Variants in ATP2A2 observed in about 807,000 individuals in gnomAD.
The protein encoded by ATP2A2 is sarcoplasmic/endoplasmic reticulum calcium ATPase 2.
ATP2A2 carries 14 observed loss-of-function variants against 109.3 expected under a neutral mutation model. The ratio of observed to expected loss-of-function variants is 0.13; its 90% CI spans 0.08 to 0.20. ATP2A2 has a LOEUF of 0.20. ATP2A2 is among the 10% of genes least tolerant of loss of function. The pLI, the probability that ATP2A2 is intolerant of heterozygous loss-of-function variation, is 1.00. For synonymous variants in ATP2A2, 506 were observed against 490.9 expected (o/e 1.03, Z -0.41); for missense variants, 657 against 1,321.6 (o/e 0.50, Z 7.80).
intron 3 of ATP2A2, among the ~76,000 whole-genome samples, chr12:110,286,702 A>T (rs1872698862): frequency 6.8e-6 from 1 of 146,042 alleles, no homozygotes; most frequent in Non-Finnish European, 1.5e-5. Context: ...TCTTTATTTA[A>T]AAAAAAAAAA....
At chr12:110,331,375 C>G (rs1878321803) in intron 8 of ATP2A2, 1 of 152,184 alleles carries the variant, frequency 6.6e-6, no homozygotes, top group South Asian at 2.1e-4. Context: ...GAGTTTTGCT[C>G]TGTCGCCCAG....
Position 110,348,730 on chromosome 12 carries a change from T to C in ATP2A2, c.*2260T>C. On this transcript the variant is annotated 3_prime_UTR_variant, in exon 20 of 20. Transcript: ENST00000539276. ...AAAAAATCAGCCTTACTGTGAAGCCTCCAAGGCTGCTCGCAGGCAGCTGTG... is the reference window on the plus strand; with the variant it reads ...AAAAAATCAGCCTTACTGTGAAGCCCCCAAGGCTGCTCGCAGGCAGCTGTG... 1 of 985,250 alleles carries C rather than the reference T, an allele frequency of 1.0e-6. No homozygotes were observed. The allele number at this position is 985,250 out of a possible 1,614,324, so 61.0% of individuals were successfully genotyped here.
At chr12:110,288,461 A>G (rs946741154) in intron 3 of ATP2A2, among the ~76,000 whole-genome samples, 1 of 151,182 alleles carries the variant, frequency 6.6e-6, no homozygotes, top group Admixed American at 6.6e-5. Context: ...CTGGAGTGCA[A>G]TGGCGCGATC....
intron 5 of ATP2A2, among the ~76,000 whole-genome samples, chr12:110,309,411 G>A (rs1875758754): frequency 1.3e-5 from 2 of 151,736 alleles, no homozygotes; most frequent in Non-Finnish European, 2.9e-5. Context: ...GCCCGCCTCA[G>A]CCTCCCAAAG....
intron 3 of ATP2A2, among the ~76,000 whole-genome samples, chr12:110,287,261 A>AT (rs1219737525): frequency 1.3e-4 from 19 of 150,450 alleles, no homozygotes; most frequent in African/African-American, 3.4e-4. Context: ...TCAAAAAAAA[A>AT]TTTTTTTTTT....
intron 5 of ATP2A2, among the ~76,000 whole-genome samples, chr12:110,308,521 A>G (rs1388274283): frequency 6.6e-6 from 1 of 152,228 alleles, no homozygotes; most frequent in Non-Finnish European, 1.5e-5. Context: ...GGTAAGATAT[A>G]ATTCTAAGGC....
Position 110,342,236 on chromosome 12 carries a change from T to C in ATP2A2, c.2106T>C (p.Asp702=), listed in dbSNP as rs373988845. 5.8e-5 allele frequency: 94 copies of C among 1,614,238 alleles called. No individual in the cohort carries two copies. In the African/African-American group the frequency reaches 1.1e-3, roughly 19 times the overall value. Residue 702 remains aspartate (D), a synonymous_variant, in exon 15 of 20, where the codon GAT becomes GAC. Transcript: ENST00000539276. This position sits in a 1 kb window ranked among gnomAD's most constrained non-coding sequence, Gnocchi z 4.6. ...ATTGCTTTCCCTTTCAGACTGGCGA[T>C]GGCGTGAACGATGCTCCTGCTCTGA... ...SFDEITAMTG[D]GVNDAPALKK...
chr12:110,347,500 T>C lies in ATP2A2; in HGVS notation c.*1030T>C, dbSNP rs1402519097. 7.8e-7 allele frequency: 1 copy of C among 1,288,976 alleles called. No individual in the cohort carries two copies. The highest frequency in any genetic ancestry group is 1.5e-5 in the African/African-American group (1 of 65,842). The allele number at this position is 1,288,976 out of a possible 1,614,324, so 79.8% of individuals were successfully genotyped here. ...ATTCTTAATGTACAGGCACTAATTG[T>C]CATCTGTGATGTACATTTTATGCAA... On this transcript the variant is annotated 3_prime_UTR_variant, in exon 20 of 20. Coordinates refer to ENST00000539276, the MANE Select transcript of ATP2A2 (RefSeq NM_170665.4).
At chr12:110,308,595 T>A (rs1875639531) in intron 5 of ATP2A2, among the ~76,000 whole-genome samples, 1 of 152,232 alleles carries the variant, frequency 6.6e-6, no homozygotes, top group South Asian at 2.1e-4. Context: ...CTGGGCCAGA[T>A]AAATAGGTAT....
At chr12:110,345,569 AGCC>A (rs1879769104) in intron 18 of ATP2A2, 187 bp downstream of exon 18, 3 of 921,350 alleles carry the variant, frequency 3.3e-6, no homozygotes, top group African/African-American at 3.3e-5. Flanking sequence ...GGGAGTGCTT[AGCC>A]CTGTGTTTCT....
At chr12:110,288,952 C>T (rs1361450906) in intron 3 of ATP2A2, among the ~76,000 whole-genome samples, 1 of 152,154 alleles carries the variant, frequency 6.6e-6, no homozygotes, top group African/African-American at 2.4e-5. Context: ...TCCTCTTTCT[C>T]CTTACACAAG....
At chr12:110,343,873 C>T (rs1200424970) in intron 16 of ATP2A2, among the ~76,000 whole-genome samples, 2 of 152,186 alleles carry the variant, frequency 1.3e-5, no homozygotes, top group Non-Finnish European at 2.9e-5. Flanking sequence ...CCCTCATCTT[C>T]CTCACCCCGG....
chr12:110,302,584 C>T (rs371132863), intron 5 of ATP2A2, among the ~76,000 whole-genome samples: 37 of 146,506 alleles, frequency 2.5e-4, no homozygotes, highest in African/African-American at 4.0e-4. Context: ...ATTTTTATTA[C>T]TATTATTATT....
At position 110,350,541 on chromosome 12, in the gene ATP2A2, C is replaced by A; in HGVS notation, c.*4071C>A. ...AATTTAGCTTAATCAGAAAGCCTCT[C>A]CAGAGAAGTTTGGTTTCTTTGCTGC... On this transcript the variant is annotated 3_prime_UTR_variant, in exon 20 of 20. Transcript: ENST00000539276. 3.0e-6 allele frequency: 2 copies of A among 655,834 alleles called. No individual in the cohort carries two copies. Among genetic ancestry groups the A allele is most frequent in the Non-Finnish European group, 2.5e-6 (1 of 397,490 alleles). The allele number at this position is 655,834 out of a possible 1,614,324, so 40.6% of individuals were successfully genotyped here.
Position 110,339,277 on chromosome 12 carries a change from G to A in ATP2A2, c.1420-4G>A. 2 of 1,613,908 alleles carry A rather than the reference G, an allele frequency of 1.2e-6. No homozygotes were observed. Among genetic ancestry groups the A allele is most frequent in the Non-Finnish European group, 1.7e-6 (2 of 1,180,010 alleles). On this transcript the variant is annotated splice_region_variant and splice_polypyrimidine_tract_variant and intron_variant, in intron 11 of 19. Transcript: ENST00000539276. The surrounding 1 kb of genome is among the most constrained non-coding windows in gnomAD (Gnocchi z 4.4). ...AGTAGTATCCATATTTGTTCCCTTT[G>A]TAGGTCATTAAACAGCTGATGAAAA...
At chr12:110,335,294 G>A (rs1471460481) in intron 11 of ATP2A2, among the ~76,000 whole-genome samples, 4 of 152,200 alleles carry the variant, frequency 2.6e-5, no homozygotes, top group Admixed American at 2.6e-4. Context: ...GGTGAAGAAT[G>A]GCCATCCATT....
intron 5 of ATP2A2, among the ~76,000 whole-genome samples, chr12:110,299,829 C>G (rs1013790918): frequency 6.6e-6 from 1 of 152,218 alleles, no homozygotes; most frequent in South Asian, 2.1e-4. Context: ...TGCCATGTTG[C>G]TCAGGCTTGT....
chr12:110,323,757 A>T (rs530862093), intron 6 of ATP2A2, among the ~76,000 whole-genome samples: 1 of 152,276 alleles, frequency 6.6e-6, no homozygotes, highest in South Asian at 2.1e-4. Context: ...GTGCCTCTGC[A>T]CTCCAGCCTG....
intron 17 of ATP2A2, 41 bp downstream of exon 17, chr12:110,345,012 G>GT: frequency 6.3e-7 from 1 of 1,596,506 alleles, no homozygotes; most frequent in Non-Finnish European, 8.6e-7. Context: ...CATGAGAAGT[G>GT]TTGTGAGGCC....
Sources: allele counts gnomAD v4.1 joint callset (sites outside exome capture counted in the v4.1 genomes callset), GRCh38; gene constraint gnomAD v4.1.1; non-coding constraint Gnocchi (gnomAD v3.1); transcripts MANE v1.5; gene names NCBI Gene and HGNC (gene_info 2026-07-23, HGNC 2026-07-21).